IRAK1BP1: variants seen among roughly 807,000 people sequenced by gnomAD.
IRAK1BP1 encodes interleukin-1 receptor-associated kinase 1-binding protein 1.
IRAK1BP1 carries 24 observed loss-of-function variants against 28.0 expected under a neutral mutation model. The observed-to-expected ratio is 0.86, with a 90% CI of 0.62 to 1.20. The LOEUF is 1.20. Among genes scored for constraint, IRAK1BP1 ranks in the 50% most tolerant of loss-of-function variants. The pLI is 0.00. For synonymous variants in IRAK1BP1, 131 were observed against 116.3 expected (o/e 1.13, Z -0.81); for missense variants, 336 against 316.7 (o/e 1.06, Z -0.46).
intron 4 of IRAK1BP1, chr6:78,938,549 T>C (rs1047826685): frequency 2.6e-5 from 4 of 151,590 alleles, no homozygotes; most frequent in African/African-American, 9.7e-5. Context: ...AGCAACTAAT[T>C]AATGACAAAT....
At chr6:78,918,276 G>A (rs1429065360) in intron 4 of IRAK1BP1, among the ~76,000 whole-genome samples, 1 of 152,020 alleles carries the variant, frequency 6.6e-6, no homozygotes, top group Non-Finnish European at 1.5e-5. Flanking sequence ...CATCCTGAGT[G>A]ACAGAGTAAG....
At chr6:78,940,559 T>TTGTTTGTTTTG in intron 4 of IRAK1BP1, 1 of 180,450 alleles carries the variant, frequency 5.5e-6, no homozygotes, top group East Asian at 1.3e-4. Context: ...TTTTTTTTTT[T>TTGTTTGTTTTG]TTTTTTTTTT....
chr6:78,958,381 C>G, the IRAK1BP1 span: 1 of 829,830 alleles, frequency 1.2e-6, no homozygotes, highest in Non-Finnish European at 1.9e-6. Context: ...TTAAATGTTT[C>G]TTCTTTACAA....
chr6:78,971,862 T>A, the IRAK1BP1 span, among the ~76,000 whole-genome samples: 1 of 152,200 alleles, frequency 6.6e-6, no homozygotes, highest in Non-Finnish European at 1.5e-5. Context: ...ATCCCGCACC[T>A]GGCTCGGAGG....
At chr6:78,976,026 T>A in the IRAK1BP1 span, among the ~76,000 whole-genome samples, 295 of 152,004 alleles carry the variant, frequency 1.9e-3, 1 homozygote, top group Non-Finnish European at 2.8e-3. Context: ...AAAAACTACT[T>A]TAAAGTTCAT....
chr6:78,968,860 G>T, the IRAK1BP1 span, among the ~76,000 whole-genome samples: 1 of 151,166 alleles, frequency 6.6e-6, no homozygotes, highest in Non-Finnish European at 1.5e-5. Flanking sequence ...AGACAAACTT[G>T]TTAGATAAGT....
the IRAK1BP1 span, among the ~76,000 whole-genome samples, chr6:78,977,587 G>GACCTTCAAGC: frequency 0.45 from 68,569 of 151,486 alleles, 16,074 homozygotes; most frequent in East Asian, 0.69. Flanking sequence ...GAATAATGAA[G>GACCTTCAAGC]ACCTTCAAGC....
chr6:78,921,803 C>T (rs1772738280), intron 4 of IRAK1BP1, among the ~76,000 whole-genome samples: 1 of 152,180 alleles, frequency 6.6e-6, no homozygotes, highest in African/African-American at 2.4e-5. Flanking sequence ...TACTGATACC[C>T]AGGAAAACAG....
intron 4 of IRAK1BP1, among the ~76,000 whole-genome samples, chr6:78,925,882 C>T (rs1281542672): frequency 6.6e-6 from 1 of 152,084 alleles, no homozygotes; most frequent in Admixed American, 6.6e-5. Flanking sequence ...AAATTATGTC[C>T]TTTGCAGCAA....
chr6:78,881,726 C>T (rs952922353), intron 1 of IRAK1BP1, among the ~76,000 whole-genome samples: 7 of 152,124 alleles, frequency 4.6e-5, no homozygotes, highest in African/African-American at 1.7e-4. Flanking sequence ...ACTCCATGCT[C>T]TAGTTGGTAA....
chr6:78,877,992 C>T (rs1410331806), intron 1 of IRAK1BP1, among the ~76,000 whole-genome samples: 1 of 151,900 alleles, frequency 6.6e-6, no homozygotes, highest in Non-Finnish European at 1.5e-5. Flanking sequence ...AAAAAGCAGC[C>T]GGGAAGCTCA....
At chr6:78,978,795 A>T in the IRAK1BP1 span, 1 of 1,107,590 alleles carries the variant, frequency 9.0e-7, no homozygotes, top group Non-Finnish European at 1.3e-6. Flanking sequence ...AACTATAAAG[A>T]TAATTAAATA....
the IRAK1BP1 span, among the ~76,000 whole-genome samples, chr6:78,971,757 A>C: frequency 3.1e-3 from 474 of 152,226 alleles, 3 homozygotes; most frequent in African/African-American, 0.011. Context: ...TAATCAAAGA[A>C]AGGGGTGACG....
intron 2 of IRAK1BP1, among the ~76,000 whole-genome samples, chr6:78,895,543 ATAATAT>A (rs1231105541): frequency 6.6e-6 from 1 of 152,220 alleles, no homozygotes; most frequent in Non-Finnish European, 1.5e-5. Flanking sequence ...GGTATAAAGA[ATAATAT>A]TAATACATAA....
At chr6:78,951,022 C>T (rs1022784079), downstream of IRAK1BP1, among the ~76,000 whole-genome samples, 9 of 152,094 alleles carry the variant, frequency 5.9e-5, no homozygotes, top group African/African-American at 2.2e-4. Context: ...CTGCATCCTA[C>T]AAATTTTGAT....
chr6:78,958,332 C>A, the IRAK1BP1 span: 1 of 532,180 alleles, frequency 1.9e-6, no homozygotes, highest in South Asian at 3.3e-5. Context: ...TTTAGATCTT[C>A]AGTCTAATGC....
At chr6:78,954,410 A>G in the IRAK1BP1 span, among the ~76,000 whole-genome samples, 3 of 152,100 alleles carry the variant, frequency 2.0e-5, no homozygotes, top group African/African-American at 7.2e-5. Context: ...CCAGCCTAAA[A>G]ACTATTTTTA....
downstream of IRAK1BP1, among the ~76,000 whole-genome samples, chr6:78,948,771 G>A (rs1334609378): frequency 6.6e-6 from 1 of 152,142 alleles, no homozygotes; most frequent in African/African-American, 2.4e-5. Context: ...TGGGATTATA[G>A]GCATTAGCCA....
chr6:78,940,193 T>C (rs556923600), intron 4 of IRAK1BP1: 1 of 152,186 alleles, frequency 6.6e-6, no homozygotes, highest in East Asian at 1.9e-4. Context: ...TATTTATCTT[T>C]TAGAGGAAAC....
Sources: allele counts gnomAD v4.1 joint callset (sites outside exome capture counted in the v4.1 genomes callset), GRCh38; gene constraint gnomAD v4.1.1; transcripts MANE v1.5; gene names NCBI Gene and HGNC (gene_info 2026-07-23, HGNC 2026-07-21).